PDE8B: variants seen among roughly 807,000 people sequenced by gnomAD.
The protein encoded by PDE8B is high affinity cAMP-specific and IBMX-insensitive 3',5'-cyclic phosphodiesterase 8B.
In PDE8B, 26 loss-of-function variants were observed where a neutral mutation model predicts 101.3. That is an observed-to-expected ratio of 0.26 (90% CI 0.19 to 0.36). The LOEUF is 0.36. Among genes scored for constraint, PDE8B ranks in the 10% least tolerant of loss-of-function variants. PDE8B has a pLI of 1.00. For missense variants in PDE8B, 810 were observed against 1,163.1 expected (o/e 0.70, Z 4.42); for synonymous variants, 424 against 429.3 (o/e 0.99, Z 0.15).
chr5:77,335,234 T>C (rs1777912461), intron 5 of PDE8B, among the ~76,000 whole-genome samples: 1 of 152,220 alleles, frequency 6.6e-6, no homozygotes, highest in African/African-American at 2.4e-5. Flanking sequence ...AAACATATTT[T>C]ATCATGGTTT....
At chr5:77,424,823 T>G (rs1417090742) in intron 20 of PDE8B, among the ~76,000 whole-genome samples, 2 of 109,088 alleles carry the variant, frequency 1.8e-5, no homozygotes, top group Non-Finnish European at 4.2e-5. Flanking sequence ...TTTTTTGTTT[T>G]TTGTTTTTTG....
chr5:77,230,340 G>C (rs1298849794), intron 1 of PDE8B, among the ~76,000 whole-genome samples: 1 of 152,232 alleles, frequency 6.6e-6, no homozygotes, highest in African/African-American at 2.4e-5. Flanking sequence ...AGCTCAGGAA[G>C]CCAAAGTACA....
chr5:77,274,904 A>G (rs1362228046), intron 1 of PDE8B, among the ~76,000 whole-genome samples: 1 of 152,232 alleles, frequency 6.6e-6, no homozygotes, highest in African/African-American at 2.4e-5. Context: ...CAGAGAGAGA[A>G]AAAGAGAAAG....
At chr5:77,214,974 T>C (rs906514476) in intron 1 of PDE8B, among the ~76,000 whole-genome samples, 2 of 152,224 alleles carry the variant, frequency 1.3e-5, no homozygotes, top group African/African-American at 2.4e-5. Context: ...TGGGGCCACC[T>C]CTAGCAGAGT....
intron 1 of PDE8B, among the ~76,000 whole-genome samples, chr5:77,288,171 G>A (rs927019881): frequency 6.6e-6 from 1 of 152,140 alleles, no homozygotes; most frequent in Non-Finnish European, 1.5e-5. Flanking sequence ...CTATCTCCAG[G>A]TCAATTCTGT....
At chr5:77,203,444 C>T in the PDE8B span, among the ~76,000 whole-genome samples, 7 of 152,226 alleles carry the variant, frequency 4.6e-5, no homozygotes, top group South Asian at 2.1e-4. Flanking sequence ...TTTACTTCTT[C>T]GTATCCCTCA....
At chr5:77,089,133 G>A in the PDE8B span, among the ~76,000 whole-genome samples, 4 of 152,000 alleles carry the variant, frequency 2.6e-5, no homozygotes, top group Non-Finnish European at 5.9e-5. Context: ...GTTGAGTAAG[G>A]GGCAAGCAAA....
At chr5:77,088,968 C>T in the PDE8B span, among the ~76,000 whole-genome samples, 1 of 152,078 alleles carries the variant, frequency 6.6e-6, no homozygotes, top group Non-Finnish European at 1.5e-5. Context: ...AAAAGAAGAA[C>T]AAGAAATAAC....
intron 16 of PDE8B, 27 bp from the exon 17 acceptor site, chr5:77,413,084 G>A (rs1280535052): frequency 1.3e-6 from 2 of 1,595,352 alleles, no homozygotes; most frequent in Non-Finnish European, 1.7e-6. Context: ...AATACAATGA[G>A]CCAGGGTGGG....
At chr5:77,126,860 C>A in the PDE8B span, among the ~76,000 whole-genome samples, 6 of 152,306 alleles carry the variant, frequency 3.9e-5, no homozygotes, top group South Asian at 1.2e-3. Flanking sequence ...TTTCACATCC[C>A]TGAGCTTTCT....
chr5:77,195,030 C>T, the PDE8B span, among the ~76,000 whole-genome samples: 1 of 152,202 alleles, frequency 6.6e-6, no homozygotes, highest in Non-Finnish European at 1.5e-5. Context: ...TCCACACTGG[C>T]ATTATGTTTT....
At chr5:77,298,944 C>T (rs942896178) in intron 1 of PDE8B, among the ~76,000 whole-genome samples, 2 of 152,286 alleles carry the variant, frequency 1.3e-5, no homozygotes, top group East Asian at 3.9e-4. Flanking sequence ...TTGCATTATA[C>T]TCTGGTTTTC....
chr5:77,340,466 C>T (rs770979608), intron 6 of PDE8B, among the ~76,000 whole-genome samples: 20 of 152,280 alleles, frequency 1.3e-4, no homozygotes, highest in Admixed American at 2.6e-4. Flanking sequence ...AACAAGGTCA[C>T]GATCCTCTCA....
chr5:77,295,222 C>T (rs1768256427), intron 1 of PDE8B, among the ~76,000 whole-genome samples: 1 of 152,164 alleles, frequency 6.6e-6, no homozygotes, highest in East Asian at 1.9e-4. Context: ...TTCAGCCAAA[C>T]TGGACCCTCA....
intron 2 of PDE8B, among the ~76,000 whole-genome samples, chr5:77,322,503 C>T (rs1382471216): frequency 6.6e-6 from 1 of 152,162 alleles, no homozygotes; most frequent in Non-Finnish European, 1.5e-5. Context: ...ACCTGACCTG[C>T]TCCCACCCTT....
the PDE8B span, among the ~76,000 whole-genome samples, chr5:77,161,756 G>A: frequency 6.6e-6 from 1 of 152,106 alleles, no homozygotes; most frequent in Non-Finnish European, 1.5e-5. Flanking sequence ...GAGCATTTCA[G>A]TTGCTCCAAA....
At chr5:77,420,180 G>T (rs1490078135) in intron 19 of PDE8B, among the ~76,000 whole-genome samples, 1 of 152,110 alleles carries the variant, frequency 6.6e-6, no homozygotes, top group Non-Finnish European at 1.5e-5. Context: ...TGGCATAAAT[G>T]GTGGTATTTT....
At chr5:77,167,594 C>T in the PDE8B span, among the ~76,000 whole-genome samples, 1 of 152,122 alleles carries the variant, frequency 6.6e-6, no homozygotes, top group Admixed American at 6.5e-5. Context: ...TGCAAGGGGG[C>T]ACGCGGCTGC....
chr5:77,336,903 G>T (rs1395969044), intron 5 of PDE8B, among the ~76,000 whole-genome samples: 2 of 152,196 alleles, frequency 1.3e-5, no homozygotes, highest in Non-Finnish European at 2.9e-5. Flanking sequence ...GGTTTTAGAT[G>T]ATTTTATTAG....
Sources: gnomAD v4.1 joint callset for allele counts (sites outside exome capture counted in the v4.1 genomes callset) on GRCh38, gnomAD v4.1.1 for gene constraint, MANE v1.5 for transcripts, NCBI Gene and HGNC (gene_info 2026-07-23, HGNC 2026-07-21) for gene names.